The following GUCY1A2 variants were observed in gnomAD, a reference collection of about 807,000 sequenced individuals.
GUCY1A2 encodes the protein guanylate cyclase 1 soluble subunit alpha 2, also known as guanylate cyclase soluble subunit alpha-2.
GUCY1A2 carries 27 observed loss-of-function variants against 63.5 expected under a neutral mutation model. The observed-to-expected ratio is 0.43, with a 90% CI of 0.31 to 0.59. The LOEUF (loss-of-function observed/expected upper bound fraction) is 0.59, where lower values mean the gene tolerates loss of function less well. GUCY1A2 is among the 20% of genes least tolerant of loss of function. The probability of loss-of-function intolerance (pLI) is 0.11; values close to 1 mark genes in which losing one functional copy is unlikely to be tolerated. For missense variants in GUCY1A2, 768 were observed against 913.3 expected, an observed-to-expected ratio of 0.84 and a Z score of 2.05; for synonymous variants, 364 against 343.5, an observed-to-expected ratio of 1.06 and a Z score of -0.66.
intron 6 of GUCY1A2, among the ~76,000 whole-genome samples, chr11:106,773,830 A>AT (rs1159887045): frequency 6.6e-6 from 1 of 152,180 alleles, no homozygotes; most frequent in African/African-American, 2.4e-5. Flanking sequence ...TTGTATTTTA[A>AT]TTTTTTAGTT....
chr11:106,745,932 G>C (rs1863779450), intron 6 of GUCY1A2, among the ~76,000 whole-genome samples: 1 of 152,150 alleles, frequency 6.6e-6, no homozygotes, highest in Non-Finnish European at 1.5e-5. Flanking sequence ...CTTTTGCTTT[G>C]AAGCTTGCAC....
At position 106,676,992 on chromosome 11, in the gene GUCY1A2, A is replaced by G. The variant is rs1384486972; in HGVS notation, c.*10557T>C. ...ACAGTCTCTGGAAGTCAAGGTCCCA[A>G]TTCTCTCAGTCACTTCTATCCTCAA... On this transcript the variant is annotated 3_prime_UTR_variant, in exon 8 of 8. Transcript: ENST00000526355. 4.7e-6 allele frequency: 1 copy of G among 213,010 alleles called. No individual in the cohort carries two copies. Among genetic ancestry groups the G allele is most frequent in the Non-Finnish European group, 9.5e-6 (1 of 105,046 alleles). The allele number at this position is 213,010 out of a possible 1,614,324, so 13.2% of individuals were successfully genotyped here.
intron 3 of GUCY1A2, among the ~76,000 whole-genome samples, chr11:106,953,653 CTT>C (rs958366029): frequency 6.9e-6 from 1 of 145,146 alleles, no homozygotes. Flanking sequence ...CTGGTCCTTG[CTT>C]TTTTTTTTGG....
chr11:106,828,000 A>T, intron 4 of GUCY1A2: 1 of 706,164 alleles, frequency 1.4e-6, no homozygotes. Context: ...TTATCCAGAG[A>T]ATCCGACCTA....
rs999497427 is a variant in GUCY1A2, at chr11:106,677,157, G to A, written c.*10392C>T. ...TCATTTATCTTATAAGAGCTAGAAA[G>A]AAATAAAGCAAAGAGGGAGGGAAGG... On this transcript the variant is annotated 3_prime_UTR_variant, in exon 8 of 8. Transcript: ENST00000526355. 2 of 219,220 alleles carry A rather than the reference G, an allele frequency of 9.1e-6. No homozygotes were observed. Among genetic ancestry groups the A allele is most frequent in the Non-Finnish European group, 1.8e-5 (2 of 108,976 alleles). The allele number at this position is 219,220 out of a possible 1,614,324, so 13.6% of individuals were successfully genotyped here.
rs527362157 is a variant in GUCY1A2, at chr11:106,808,435, A to T, written c.1692+1558T>A. Among the ~76,000 whole-genome samples the T allele has an allele frequency of 1.8e-4, 28 of 152,242 alleles. No individual in the cohort carries two copies. In the South Asian group the frequency reaches 5.4e-3, roughly 29 times the overall value. On this transcript the variant is annotated intron_variant, in intron 5 of 7. Coordinates refer to ENST00000526355, the MANE Select transcript of GUCY1A2 (RefSeq NM_000855.3). Reference sequence around the variant, plus strand: ...AGATGTCCTAACTCACAAGGGAATGAATGCTTGATGTCTAAGAAATCAAAT... The same window carrying T: ...AGATGTCCTAACTCACAAGGGAATGTATGCTTGATGTCTAAGAAATCAAAT...
intron 4 of GUCY1A2, among the ~76,000 whole-genome samples, chr11:106,871,811 A>G (rs149276155): frequency 1.6e-4 from 25 of 152,284 alleles, no homozygotes; most frequent in Admixed American, 1.6e-3. Flanking sequence ...CAAAGATGTA[A>G]TGTACTTTGA....
intron 6 of GUCY1A2, among the ~76,000 whole-genome samples, chr11:106,761,571 T>C (rs1256264439): frequency 6.6e-6 from 1 of 152,168 alleles, no homozygotes; most frequent in Middle Eastern, 3.2e-3. Flanking sequence ...GATAGAAATA[T>C]GTTTGCCTGA....
Position 106,709,618 on chromosome 11 carries a change from C to CACGTATAGAATATATA in GUCY1A2, c.1837-953_1837-952insTATATATTCTATACGT, listed in dbSNP as rs1484603212. 9.6e-4 allele frequency among the ~76,000 whole-genome samples: 37 copies of CACGTATAGAATATATA among 38,444 alleles called. 6 individuals carry two copies. The highest frequency in any genetic ancestry group is 4.9e-3 in the South Asian group (4 of 812). 25.2% of individuals were successfully genotyped at this position (38,444 alleles called of 152,430 possible). ...ATAATATATAGTTATATATTATATA[C>CACGTATAGAATATATA]GTGTATATATTATATACACGTATAG... On this transcript the variant is annotated intron_variant, in intron 6 of 7. Transcript: ENST00000526355.
rs548571728 is a variant in GUCY1A2, at chr11:106,700,530, T to C, written c.1991+7982A>G. Among the ~76,000 whole-genome samples, 18 of 152,308 alleles carry C rather than the reference T, an allele frequency of 1.2e-4. No homozygotes were observed. The East Asian group carries it at 3.5e-3, about 29-fold the overall frequency. On this transcript the variant is annotated intron_variant, in intron 7 of 7. Transcript: ENST00000526355. ...TTTATTGGCACATTTAAAAGGGTAA[T>C]ATTAATGTTGCTGTTTGTAATTGGA...
chr11:106,794,435 T>C (rs1470184029), intron 5 of GUCY1A2, among the ~76,000 whole-genome samples: 2 of 151,940 alleles, frequency 1.3e-5, no homozygotes, highest in Non-Finnish European at 2.9e-5. Context: ...ATGCTGACCA[T>C]AGTAACTAAT....
intron 6 of GUCY1A2, among the ~76,000 whole-genome samples, chr11:106,729,925 C>G (rs1216771451): frequency 6.6e-6 from 1 of 151,168 alleles, no homozygotes; most frequent in African/African-American, 2.4e-5. Context: ...CAGGAATTAT[C>G]TTTGTGGAAT....
At chr11:106,992,856 A>G (rs988287029) in intron 1 of GUCY1A2, among the ~76,000 whole-genome samples, 1 of 152,094 alleles carries the variant, frequency 6.6e-6, no homozygotes, top group Non-Finnish European at 1.5e-5. Context: ...GTCATCCTCT[A>G]GCTCACCTTT....
At chr11:106,725,161 T>A (rs1272744266) in intron 6 of GUCY1A2, among the ~76,000 whole-genome samples, 3 of 24,440 alleles carry the variant, frequency 1.2e-4, no homozygotes, top group African/African-American at 3.1e-4. Context: ...TCTTTTTTTT[T>A]TTTTTTTTTT....
At chr11:106,956,080 G>T (rs1303320169) in intron 3 of GUCY1A2, among the ~76,000 whole-genome samples, 2 of 151,194 alleles carry the variant, frequency 1.3e-5, no homozygotes, top group African/African-American at 4.9e-5. Context: ...GGTCAATTTG[G>T]CTGTTGATAC....
intron 4 of GUCY1A2, among the ~76,000 whole-genome samples, chr11:106,840,086 T>C (rs1250276011): frequency 1.3e-5 from 2 of 151,960 alleles, no homozygotes; most frequent in African/African-American, 4.8e-5. Context: ...AAATATGACA[T>C]TGTAAGCTGA....
intron 1 of GUCY1A2, among the ~76,000 whole-genome samples, chr11:106,990,571 G>A (rs1231104993): frequency 6.6e-6 from 1 of 152,110 alleles, no homozygotes; most frequent in Non-Finnish European, 1.5e-5. Flanking sequence ...GAGTAAAGAT[G>A]TGTCTCTCTC....
chr11:107,005,553 C>T (rs117029621), intron 1 of GUCY1A2, among the ~76,000 whole-genome samples: 2,055 of 152,240 alleles, frequency 0.013, 28 homozygotes, highest in South Asian at 0.045. Flanking sequence ...AGATTACAGG[C>T]GTGATTTTAC....
intron 6 of GUCY1A2, among the ~76,000 whole-genome samples, chr11:106,764,427 T>C (rs1342108996): frequency 6.6e-6 from 1 of 152,114 alleles, no homozygotes. Context: ...CCGAATCAAT[T>C]CTTACTTAGT....
Sources: gnomAD v4.1 joint callset for allele counts (sites outside exome capture counted in the v4.1 genomes callset) on GRCh38, gnomAD v4.1.1 for gene constraint, MANE v1.5 for transcripts, NCBI Gene and HGNC (gene_info 2026-07-23, HGNC 2026-07-21) for gene names.